EHMT1: variants seen among roughly 807,000 people sequenced by gnomAD.
EHMT1 encodes histone-lysine N-methyltransferase EHMT1.
EHMT1 carries 15 observed loss-of-function variants against 147.2 expected under a neutral mutation model. The observed-to-expected ratio is 0.10, with a 90% CI of 0.07 to 0.16. The LOEUF (loss-of-function observed/expected upper bound fraction) is 0.16, where lower values mean the gene tolerates loss of function less well. Ranked by LOEUF, EHMT1 falls within the 10% of genes least tolerant of loss-of-function variation. EHMT1 has a pLI of 1.00. For missense variants in EHMT1, 1,587 were observed against 1,772.4 expected (o/e 0.90, Z 1.88); for synonymous variants, 795 against 709.6 (o/e 1.12, Z -1.91).
chr9:137,642,477 TC>T (rs146430288), intron 1 of EHMT1, among the ~76,000 whole-genome samples: 7,305 of 152,234 alleles, frequency 0.048, 575 homozygotes, highest in African/African-American at 0.17. Context: ...CTCATTGCTT[TC>T]TTCTTTTGTG....
chr9:137,762,977 A>G, intron 10 of EHMT1, 157 bp downstream of exon 10: 1 of 917,224 alleles, frequency 1.1e-6, no homozygotes, highest in South Asian at 1.4e-5. Flanking sequence ...AGATCCCAAC[A>G]GTGAAATCAC....
intron 15 of EHMT1, chr9:137,788,003 G>C: frequency 6.9e-7 from 1 of 1,455,746 alleles, no homozygotes; most frequent in Non-Finnish European, 9.5e-7. Context: ...GCAGTAAGTG[G>C]AGAGGCCAGG....
chr9:137,647,849 G>C (rs750470835), intron 1 of EHMT1, among the ~76,000 whole-genome samples: 2 of 151,996 alleles, frequency 1.3e-5, no homozygotes, highest in African/African-American at 2.4e-5. Context: ...CACCCGCCTC[G>C]GCCTCCCAAG....
chr9:137,621,577 A>T (rs1842940038), intron 1 of EHMT1, among the ~76,000 whole-genome samples: 1 of 152,114 alleles, frequency 6.6e-6, no homozygotes, highest in Middle Eastern at 3.2e-3. Context: ...GTGTGCCTGT[A>T]ATTGCAGCCT....
In EHMT1 at chr9:137,775,331, T is replaced by C; in HGVS notation, c.1791+79T>C. On this transcript the variant is annotated intron_variant, in intron 11 of 26. Coordinates refer to ENST00000460843, the MANE Select transcript of EHMT1 (RefSeq NM_024757.5). This position sits in a 1 kb window ranked among gnomAD's most constrained non-coding sequence, Gnocchi z 6.1. ...CACTGGTGCTGGTTCCTGTCCTGTG[T>C]CCACCTGCTGTCGGGTGGTCCAGCA... 2 of 1,569,982 alleles carry C rather than the reference T, an allele frequency of 1.3e-6. No individual in the cohort carries two copies. The highest frequency in any genetic ancestry group is 1.7e-6 in the Non-Finnish European group (2 of 1,162,962).
At position 137,813,097 on chromosome 9, in the gene EHMT1, A is replaced by G. The variant is rs751339540; in HGVS notation, c.2959A>G (p.Ser987Gly). Residue 987 changes from serine to glycine, a missense_variant, in exon 20 of 27, where the codon AGC (serine) becomes GGC (glycine). Transcript: ENST00000460843. This position sits in a 1 kb window ranked among gnomAD's most constrained non-coding sequence, Gnocchi z 4.9. The part of the protein sequence containing the change: ...QCASLNSQVW[S>G]ALQMSKALQD... Reference sequence around the variant, plus strand: ...TGCGAGCCTCAACTCTCAGGTGTGGAGCGCTCTGCAGATGAGCAAGGCTCT... The same window carrying G: ...TGCGAGCCTCAACTCTCAGGTGTGGGGCGCTCTGCAGATGAGCAAGGCTCT... The G allele has an allele frequency of 6.2e-7, 1 of 1,613,590 alleles. No individual in the cohort carries two copies. Among genetic ancestry groups the G allele is most frequent in the Non-Finnish European group, 8.5e-7 (1 of 1,180,024 alleles).
intron 10 of EHMT1, chr9:137,763,898 G>A (rs544132651): frequency 6.6e-6 from 1 of 152,510 alleles, no homozygotes; most frequent in Admixed American, 6.5e-5. Context: ...GTGTCGGGGA[G>A]CATGGGCAAC....
At chr9:137,707,316 A>T (rs1218394217) in intron 1 of EHMT1, among the ~76,000 whole-genome samples, 2 of 152,170 alleles carry the variant, frequency 1.3e-5, no homozygotes, top group African/African-American at 2.4e-5. Flanking sequence ...GCTGGGAGAA[A>T]ACCTTCCCGA....
At chr9:137,663,413 G>A (rs1336338960) in intron 1 of EHMT1, among the ~76,000 whole-genome samples, 1 of 152,132 alleles carries the variant, frequency 6.6e-6, no homozygotes, top group African/African-American at 2.4e-5. Context: ...AGAGCAGCAT[G>A]GAGCAGTGGT....
chr9:137,787,443 T>G lies in EHMT1; in HGVS notation c.2383-3405T>G, dbSNP rs1012408271. On this transcript the variant is annotated intron_variant, in intron 15 of 26. Transcript: ENST00000460843. This position sits in a 1 kb window ranked among gnomAD's most constrained non-coding sequence, Gnocchi z 4.2. ...CAGCCCTGCCTCCCACAGCCTTGCC[T>G]CTGGGTGTAGGGGAAACAGAGGCAT... 6.6e-6 allele frequency among the ~76,000 whole-genome samples: 1 copy of G among 152,114 alleles called. No homozygotes were observed. Among genetic ancestry groups the G allele is most frequent in the Admixed American group, 6.5e-5 (1 of 15,284 alleles).
At chr9:137,811,200 T>A (rs1213310709) in intron 18 of EHMT1, among the ~76,000 whole-genome samples, 1 of 152,212 alleles carries the variant, frequency 6.6e-6, no homozygotes, top group African/African-American at 2.4e-5. Context: ...TATTCTTTAC[T>A]GTGATTATGC....
At chr9:137,763,137 T>A (rs1255854345) in intron 10 of EHMT1, 2 of 560,542 alleles carry the variant, frequency 3.6e-6, no homozygotes, top group Non-Finnish European at 6.4e-6. Context: ...AGTGAGTAGA[T>A]TGAGGCAGGA....
At chr9:137,693,516 A>G (rs938885188) in intron 1 of EHMT1, among the ~76,000 whole-genome samples, 11 of 152,106 alleles carry the variant, frequency 7.2e-5, no homozygotes, top group East Asian at 1.9e-4. Context: ...TAGCCAGTCT[A>G]TCAAGCTTTG....
intron 25 of EHMT1, among the ~76,000 whole-genome samples, chr9:137,830,031 A>G (rs1226841248): frequency 6.6e-6 from 1 of 152,220 alleles, no homozygotes; most frequent in Non-Finnish European, 1.5e-5. Context: ...AGGAAGTAGC[A>G]GCAAAGAAAT....
At chr9:137,630,496 G>A (rs909644273) in intron 1 of EHMT1, among the ~76,000 whole-genome samples, 1 of 152,126 alleles carries the variant, frequency 6.6e-6, no homozygotes, top group African/African-American at 2.4e-5. Context: ...GCATGAGAAG[G>A]TGGACAAAGT....
At chr9:137,690,726 CA>C (rs1437071370) in intron 1 of EHMT1, among the ~76,000 whole-genome samples, 3 of 152,152 alleles carry the variant, frequency 2.0e-5, no homozygotes, top group Non-Finnish European at 4.4e-5. Context: ...TGTGCCACCA[CA>C]CCCAGCCCTC....
chr9:137,718,136 C>T (rs762178633), intron 3 of EHMT1, among the ~76,000 whole-genome samples: 20 of 150,710 alleles, frequency 1.3e-4, no homozygotes, highest in East Asian at 7.8e-4. Flanking sequence ...ACACAGGGCG[C>T]GCCTGCCCCT....
At chr9:137,747,765 G>T (rs551733556) in intron 6 of EHMT1, 1 of 152,366 alleles carries the variant, frequency 6.6e-6, no homozygotes, top group South Asian at 2.1e-4. Context: ...CCACCACCCA[G>T]ATCAAAGCCT....
At chr9:137,642,894 C>G (rs776529248) in intron 1 of EHMT1, among the ~76,000 whole-genome samples, 3 of 152,174 alleles carry the variant, frequency 2.0e-5, no homozygotes, top group African/African-American at 7.2e-5. Context: ...CCCCTCCCCT[C>G]CCCTCTTGAC....
Sources: allele counts gnomAD v4.1 joint callset (sites outside exome capture counted in the v4.1 genomes callset), GRCh38; gene constraint gnomAD v4.1.1; non-coding constraint Gnocchi (gnomAD v3.1); transcripts MANE v1.5; gene names NCBI Gene and HGNC (gene_info 2026-07-23, HGNC 2026-07-21).